The following UBASH3B variants were observed in gnomAD, a reference collection of about 807,000 sequenced individuals.
The protein encoded by UBASH3B is ubiquitin-associated and SH3 domain-containing protein B.
In UBASH3B, 37 loss-of-function variants were observed where a neutral mutation model predicts 83.4. The ratio of observed to expected loss-of-function variants is 0.44; its 90% CI spans 0.34 to 0.58. The LOEUF (loss-of-function observed/expected upper bound fraction) is 0.58, where lower values mean the gene tolerates loss of function less well. Ranked by LOEUF, UBASH3B falls within the 20% of genes least tolerant of loss-of-function variation. The pLI is 0.01. For synonymous variants in UBASH3B, 304 were observed against 318.3 expected, an observed-to-expected ratio of 0.96 and a Z score of 0.48; for missense variants, 657 against 827.2, an observed-to-expected ratio of 0.79 and a Z score of 2.52.
At chr11:122,780,711 C>T (rs1860837124) in intron 4 of UBASH3B, among the ~76,000 whole-genome samples, 1 of 152,198 alleles carries the variant, frequency 6.6e-6, no homozygotes, top group Non-Finnish European at 1.5e-5. Context: ...GAGGAAAGGC[C>T]TGCAGGCGGG....
At chr11:122,676,583 C>T (rs1863670648) in intron 1 of UBASH3B, among the ~76,000 whole-genome samples, 1 of 152,080 alleles carries the variant, frequency 6.6e-6, no homozygotes, top group Non-Finnish European at 1.5e-5. Flanking sequence ...CATGGTGGCA[C>T]AGGCCCGTAG....
rs564232315 is a variant in UBASH3B, at chr11:122,663,938, G to C, written c.161+7728G>C. 4.6e-5 allele frequency among the ~76,000 whole-genome samples: 7 copies of C among 152,342 alleles called. No homozygotes were observed. The East Asian group carries it at 7.7e-4, about 17-fold the overall frequency. On this transcript the variant is annotated intron_variant, in intron 1 of 13. Transcript: ENST00000284273. ...GGGTGCCAAACCACGCAAACAGCTG[G>C]AGAGCGCCTGGCATTGGGCACACCC...
At chr11:122,756,852 C>G (rs1861290528) in intron 1 of UBASH3B, among the ~76,000 whole-genome samples, 1 of 152,136 alleles carries the variant, frequency 6.6e-6, no homozygotes, top group African/African-American at 2.4e-5. Flanking sequence ...GAAGCACAGT[C>G]TAAGCAAAAA....
chr11:122,661,334 A>T (rs1270707964), intron 1 of UBASH3B, among the ~76,000 whole-genome samples: 3 of 152,142 alleles, frequency 2.0e-5, no homozygotes, highest in Non-Finnish European at 4.4e-5. Flanking sequence ...CTGCATGAGG[A>T]GTTGAGAAGC....
chr11:122,789,471 A>G (rs1178127829), intron 6 of UBASH3B, among the ~76,000 whole-genome samples, 163 bp downstream of exon 6: 3 of 152,138 alleles, frequency 2.0e-5, no homozygotes, highest in Non-Finnish European at 4.4e-5. Context: ...AAAATGCGAA[A>G]TGGATTGCTC....
chr11:122,688,448 G>GT (rs146559473), intron 1 of UBASH3B, among the ~76,000 whole-genome samples: 48,409 of 121,168 alleles, frequency 0.4, 9,660 homozygotes, highest in Non-Finnish European at 0.45. Context: ...TTTGTGGTTT[G>GT]TTTGTTTTTT....
chr11:122,745,984 T>C (rs1333707121), intron 1 of UBASH3B, among the ~76,000 whole-genome samples: 1 of 152,238 alleles, frequency 6.6e-6, no homozygotes, highest in African/African-American at 2.4e-5. Flanking sequence ...GTTTTGTCTA[T>C]CACTGAAGTT....
Position 122,794,816 on chromosome 11 carries a change from C to G in UBASH3B, c.1095C>G (p.Ile365Met). 3 of 1,613,800 alleles carry G rather than the reference C, an allele frequency of 1.9e-6. No homozygotes were observed. Among genetic ancestry groups the G allele is most frequent in the Non-Finnish European group, 2.5e-6 (3 of 1,179,920 alleles). Reference protein sequence around the residue: ...QGLGETTPLTIICQPMQPLRV... With the variant: ...QGLGETTPLTMICQPMQPLRV... ...TCGGGGAGACGACTCCTCTTACTAT[C>G]ATCTGCCAGCCCATGCAGGTAAGGC... Residue 365 changes from isoleucine (I) to methionine (M), a missense_variant, in exon 7 of 14, where the codon ATC becomes ATG. Ile to Met is a conservative substitution (Grantham distance 10, BLOSUM62 1). Transcript: ENST00000284273.
At chr11:122,753,917 A>C (rs1001800188) in intron 1 of UBASH3B, among the ~76,000 whole-genome samples, 2 of 152,214 alleles carry the variant, frequency 1.3e-5, no homozygotes, top group African/African-American at 4.8e-5. Context: ...CAATAAATGC[A>C]TTCGACAAAT....
chr11:122,793,930 G>C (rs1429960665), intron 6 of UBASH3B, among the ~76,000 whole-genome samples: 1 of 152,240 alleles, frequency 6.6e-6, no homozygotes, highest in Non-Finnish European at 1.5e-5. Context: ...AGGAGCCACT[G>C]GCTGAGGTGG....
chr11:122,783,000 C>T, intron 4 of UBASH3B, 53 bp from the exon 5 acceptor site: 3 of 1,572,634 alleles, frequency 1.9e-6, no homozygotes, highest in Admixed American at 1.8e-5. Flanking sequence ...AAGTCTTCAC[C>T]ATTGCTATCA....
chr11:122,771,883 C>G (rs1860651997), intron 1 of UBASH3B, among the ~76,000 whole-genome samples: 1 of 152,076 alleles, frequency 6.6e-6, no homozygotes, highest in African/African-American at 2.4e-5. Flanking sequence ...CTGCCCCAGC[C>G]TTAGGATCAG....
At chr11:122,760,655 C>A (rs747495203) in intron 1 of UBASH3B, among the ~76,000 whole-genome samples, 3 of 152,148 alleles carry the variant, frequency 2.0e-5, no homozygotes, top group Non-Finnish European at 4.4e-5. Context: ...GCCACTGCAC[C>A]CAGCCCCAGA....
chr11:122,666,489 G>A (rs1026840523), intron 1 of UBASH3B, among the ~76,000 whole-genome samples: 4 of 152,112 alleles, frequency 2.6e-5, no homozygotes, highest in Non-Finnish European at 5.9e-5. Context: ...CACGATCTCG[G>A]CTCACTGCAA....
In UBASH3B at chr11:122,801,260, G is replaced by C. The variant is rs1349480832; in HGVS notation, c.1523G>C (p.Gly508Ala). The change falls in exon 11 of 14, where the codon GGG becomes GCG. Residue 508 changes from glycine (G) to alanine (A), a missense_variant. This residue lies in a region of UBASH3B where 573 missense variants were observed against 739.0 expected (regional missense o/e 0.78). Coordinates refer to ENST00000284273, the MANE Select transcript of UBASH3B (RefSeq NM_032873.5). ...TTTGAGTGGACAAAATGGGTTGCTG[G>C]GAGCACATTACCTGCATGGATACCT... ...GLFEWTKWVA[G>A]STLPAWIPPS... The C allele has an allele frequency of 6.2e-7, 1 of 1,614,144 alleles. No individual in the cohort carries two copies. The highest frequency in any genetic ancestry group is 1.1e-5 in the South Asian group (1 of 91,078).
intron 4 of UBASH3B, among the ~76,000 whole-genome samples, chr11:122,780,689 A>G (rs1466987836): frequency 1.3e-5 from 2 of 152,204 alleles, no homozygotes; most frequent in African/African-American, 4.8e-5. Flanking sequence ...GACGATGTTG[A>G]TCAGGACAAT....
chr11:122,771,748 A>AACACACACACAC (rs58950220), intron 1 of UBASH3B, among the ~76,000 whole-genome samples: 11 of 147,240 alleles, frequency 7.5e-5, no homozygotes, highest in African/African-American at 2.8e-4. Flanking sequence ...GCTGTGTTAA[A>AACACACACACAC]ACACACACAC....
intron 1 of UBASH3B, among the ~76,000 whole-genome samples, chr11:122,751,367 G>A (rs1861196290): frequency 6.6e-6 from 1 of 152,174 alleles, no homozygotes; most frequent in Non-Finnish European, 1.5e-5. Flanking sequence ...AAGCAGTGAG[G>A]TGTGTCACAC....
chr11:122,696,383 G>A (rs1863966063), intron 1 of UBASH3B, among the ~76,000 whole-genome samples: 1 of 142,974 alleles, frequency 7.0e-6, no homozygotes, highest in African/African-American at 2.6e-5. Flanking sequence ...CACCCAGGCT[G>A]GAGTGCAACC....
Sources: gnomAD v4.1 joint callset for allele counts (sites outside exome capture counted in the v4.1 genomes callset) on GRCh38, gnomAD v4.1.1 for gene constraint, gnomAD v4.1.1 regional missense constraint, MANE v1.5 for transcripts, NCBI Gene and HGNC (gene_info 2026-07-23, HGNC 2026-07-21) for gene names.